DIAPH2: variants seen among roughly 807,000 people sequenced by gnomAD.
DIAPH2 encodes protein diaphanous homolog 2.
A neutral mutation model predicts 92.7 loss-of-function variants in DIAPH2; 35 were observed. The ratio of observed to expected loss-of-function variants is 0.38; its 90% CI spans 0.29 to 0.50. The LOEUF is 0.50. DIAPH2 is among the 20% of genes least tolerant of loss of function. The pLI is 0.94. For missense variants in DIAPH2, 701 were observed against 819.5 expected, an observed-to-expected ratio of 0.86 and a Z score of 1.77; for synonymous variants, 301 against 280.4, an observed-to-expected ratio of 1.07 and a Z score of -0.73.
chrX:97,408,249 A>G (rs952204747), intron 25 of DIAPH2, among the ~76,000 whole-genome samples: 8 of 111,627 alleles, frequency 7.2e-5, no homozygotes, highest in African/African-American at 2.6e-4. Flanking sequence ...TGGGAAAGCT[A>G]TATTTTCCCA....
chrX:97,009,375 G>A (rs1295410814), intron 17 of DIAPH2, among the ~76,000 whole-genome samples: 1 of 111,971 alleles, frequency 8.9e-6, no homozygotes, highest in Non-Finnish European at 1.9e-5. Flanking sequence ...AGGAGCCAAG[G>A]CCTGGAATCA....
At chrX:97,306,245 C>T (rs955892919) in intron 23 of DIAPH2, among the ~76,000 whole-genome samples, 1 of 111,051 alleles carries the variant, frequency 9.0e-6, no homozygotes, top group Admixed American at 9.7e-5. Context: ...GGATATACTA[C>T]GTTGTAGATG....
intron 26 of DIAPH2, among the ~76,000 whole-genome samples, chrX:97,474,283 T>C (rs1185529230): frequency 8.9e-6 from 1 of 112,779 alleles, no homozygotes; most frequent in African/African-American, 3.2e-5. Context: ...CTGTTAATTA[T>C]GCTGTCTTGC....
chrX:96,708,343 A>G (rs765545219), intron 1 of DIAPH2, among the ~76,000 whole-genome samples: 7 of 105,808 alleles, frequency 6.6e-5, no homozygotes, highest in Non-Finnish European at 1.2e-4. Flanking sequence ...CCCGGGTTCA[A>G]GCAATTCTCT....
chrX:96,879,678 G>A (rs747352122), intron 4 of DIAPH2, among the ~76,000 whole-genome samples: 109 of 110,702 alleles, frequency 9.8e-4, no homozygotes, highest in African/African-American at 3.4e-3. Context: ...ATGATCTCTC[G>A]GTGATGGTTT....
At chrX:97,135,354 A>G (rs1287664065) in intron 21 of DIAPH2, among the ~76,000 whole-genome samples, 1 of 110,407 alleles carries the variant, frequency 9.1e-6, no homozygotes, top group Non-Finnish European at 1.9e-5. Context: ...ATGTGCCACC[A>G]TGCCCGGCTA....
intron 22 of DIAPH2, among the ~76,000 whole-genome samples, chrX:97,145,687 A>G (rs2067241664): frequency 9.1e-6 from 1 of 110,151 alleles, no homozygotes; most frequent in Non-Finnish European, 1.9e-5. Flanking sequence ...TGTTTGGGCC[A>G]TATCAATCCC....
At chrX:96,852,553 A>C in intron 4 of DIAPH2, among the ~76,000 whole-genome samples, 1 of 111,765 alleles carries the variant, frequency 8.9e-6, no homozygotes, top group South Asian at 3.8e-4. Context: ...TGTTGAGAGA[A>C]ACTTGGAAAG....
At chrX:97,014,739 G>A (rs775088619) in intron 17 of DIAPH2, among the ~76,000 whole-genome samples, 16 of 112,111 alleles carry the variant, frequency 1.4e-4, no homozygotes, top group Non-Finnish European at 3.0e-4. Context: ...CCACTTACTA[G>A]CTAAGTGACC....
intron 17 of DIAPH2, among the ~76,000 whole-genome samples, chrX:97,042,242 A>G (rs1452347796): frequency 8.9e-6 from 1 of 111,982 alleles, no homozygotes; most frequent in African/African-American, 3.2e-5. Flanking sequence ...AATGTTTCTT[A>G]GATGAATTTG....
At chrX:96,879,728 A>G (rs1486492557) in intron 4 of DIAPH2, among the ~76,000 whole-genome samples, 3 of 110,787 alleles carry the variant, frequency 2.7e-5, no homozygotes, top group Non-Finnish European at 5.7e-5. Context: ...TTCATCCAGT[A>G]TACTTTTTTA....
intron 22 of DIAPH2, among the ~76,000 whole-genome samples, chrX:97,174,779 A>G (rs1386328931): frequency 9.0e-6 from 1 of 111,657 alleles, no homozygotes; most frequent in Non-Finnish European, 1.9e-5. Flanking sequence ...TTTTTGATTG[A>G]TCCTGCTTTC....
At chrX:97,031,784 G>C (rs933754357) in intron 17 of DIAPH2, among the ~76,000 whole-genome samples, 3 of 111,370 alleles carry the variant, frequency 2.7e-5, no homozygotes, top group Non-Finnish European at 3.8e-5. Context: ...AGGGGAGAAG[G>C]CCACCGAACT....
chrX:97,097,296 A>G (rs2066876043), intron 19 of DIAPH2, among the ~76,000 whole-genome samples: 3 of 112,089 alleles, frequency 2.7e-5, no homozygotes, highest in Non-Finnish European at 5.6e-5. Context: ...AATATGTACT[A>G]TTGTAGTAGT....
chrX:97,236,646 G>A (rs1208699767), intron 22 of DIAPH2, among the ~76,000 whole-genome samples: 4 of 103,868 alleles, frequency 3.9e-5, no homozygotes, highest in African/African-American at 7.1e-5. Context: ...CCGGGTTCAC[G>A]CCATTCTCCT....
intron 26 of DIAPH2, among the ~76,000 whole-genome samples, chrX:97,491,192 A>G (rs1256246345): frequency 9.0e-6 from 1 of 111,088 alleles, no homozygotes; most frequent in African/African-American, 3.3e-5. Flanking sequence ...TTTTTGACTT[A>G]TAGTCTATTT....
intron 26 of DIAPH2, among the ~76,000 whole-genome samples, chrX:97,477,603 T>TA (rs958714090): frequency 4.1e-5 from 4 of 98,333 alleles, no homozygotes; most frequent in East Asian, 3.5e-4. Context: ...AGACTCCGTC[T>TA]AAAAAAAAAT....
intron 25 of DIAPH2, among the ~76,000 whole-genome samples, chrX:97,425,024 A>G (rs2147773102): frequency 8.9e-6 from 1 of 112,681 alleles, no homozygotes; most frequent in South Asian, 3.6e-4. Context: ...ATAATGTTAT[A>G]CATTTTTATG....
intron 4 of DIAPH2, among the ~76,000 whole-genome samples, chrX:96,873,645 TATACAC>T (rs754251650): frequency 6.4e-4 from 44 of 68,535 alleles, no homozygotes; most frequent in South Asian, 2.4e-3. Context: ...TGCGTATATA[TATACAC>T]ACACACACAC....
Sources: gnomAD v4.1 joint callset for allele counts (sites outside exome capture counted in the v4.1 genomes callset) on GRCh38, gnomAD v4.1.1 for gene constraint, MANE v1.5 for transcripts, NCBI Gene and HGNC (gene_info 2026-07-23, HGNC 2026-07-21) for gene names.